The following DDX31 variants were observed in gnomAD, a reference collection of about 807,000 sequenced individuals.
DDX31 encodes the protein ATP-dependent DNA helicase DDX31.
In DDX31, 70 loss-of-function variants were observed where a neutral mutation model predicts 91.3. The ratio of observed to expected loss-of-function variants is 0.77; its 90% CI spans 0.63 to 0.94. The LOEUF (loss-of-function observed/expected upper bound fraction) is 0.94. Among genes scored for constraint, DDX31 ranks in the 40% least tolerant of loss-of-function variants. The probability of loss-of-function intolerance (pLI) is 0.00; values close to 1 mark genes in which losing one functional copy is unlikely to be tolerated. For missense variants in DDX31, 902 were observed against 925.0 expected (o/e 0.98, Z 0.32); for synonymous variants, 362 against 350.6 (o/e 1.03, Z -0.36).
At chr9:132,604,930 G>C (rs570693488) in intron 19 of DDX31, among the ~76,000 whole-genome samples, 1 of 152,140 alleles carries the variant, frequency 6.6e-6, no homozygotes, top group Non-Finnish European at 1.5e-5. Flanking sequence ...CTTCACCAGG[G>C]AACAGAACCA....
chr9:132,618,288 G>A, intron 18 of DDX31, 42 bp downstream of exon 18: 1 of 1,553,210 alleles, frequency 6.4e-7, no homozygotes, highest in Non-Finnish European at 8.8e-7. Flanking sequence ...AGAGCACTCT[G>A]CTGGGCTATC....
At chr9:132,633,955 T>C (rs1313014957) in intron 14 of DDX31, among the ~76,000 whole-genome samples, 1 of 152,216 alleles carries the variant, frequency 6.6e-6, no homozygotes, top group Admixed American at 6.5e-5. Flanking sequence ...GAGGAACATG[T>C]TGAACACCGT....
intron 6 of DDX31, among the ~76,000 whole-genome samples, chr9:132,654,531 T>C (rs1327910850): frequency 6.6e-6 from 1 of 152,188 alleles, no homozygotes; most frequent in African/African-American, 2.4e-5. Flanking sequence ...GAGAATCTCT[T>C]GAACCCAGGA....
At position 132,669,969 on chromosome 9, in the gene DDX31, C is replaced by A; in HGVS notation, c.-35G>T. On this transcript the variant is annotated 5_prime_UTR_variant, in exon 1 of 20. Transcript: ENST00000372159. ...GGGTGACGCGTGGTGCAGCAGCGAG[C>A]CCGGTGCGCAGACTGCTGGGCCCGG... is the stretch of plus-strand genomic sequence containing the variant. 6.3e-7 allele frequency: 1 copy of A among 1,577,788 alleles called. No homozygotes were observed. The highest frequency in any genetic ancestry group is 8.6e-7 in the Non-Finnish European group (1 of 1,162,888).
At chr9:132,643,116 G>A (rs1229361129) in intron 13 of DDX31, among the ~76,000 whole-genome samples, 4 of 152,088 alleles carry the variant, frequency 2.6e-5, no homozygotes, top group Admixed American at 6.6e-5. Context: ...GAGCCACCTC[G>A]CCCTGCTGAT....
In DDX31 at chr9:132,595,136, G is replaced by T. The variant is rs759894770; in HGVS notation, c.1995-24C>A. ...GCCTGAAGAACAGTAACAGCAGAGAGGGAAAAGAAACTTTATTATTTTTCT... is the reference window on the plus strand; with the variant it reads ...GCCTGAAGAACAGTAACAGCAGAGATGGAAAAGAAACTTTATTATTTTTCT... On this transcript the variant is annotated intron_variant, in intron 19 of 19. Transcript: ENST00000372159. This position sits in a 1 kb window ranked among gnomAD's most constrained non-coding sequence, Gnocchi z 4.6. 1.2e-4 allele frequency: 198 copies of T among 1,591,824 alleles called. No individual in the cohort carries two copies. Among genetic ancestry groups the T allele is most frequent in the Admixed American group, 1.6e-4 (9 of 56,010 alleles).
Position 132,661,111 on chromosome 9 carries a change from C to T in DDX31, c.452+97G>A, listed in dbSNP as rs141219528. 1,156 of 1,056,370 alleles carry T rather than the reference C, an allele frequency of 1.1e-3. 12 individuals are homozygous for T. In the African/African-American group the frequency reaches 0.014, roughly 13 times the overall value. 65.4% of individuals were successfully genotyped at this position (1,056,370 alleles called of 1,614,324 possible). On this transcript the variant is annotated intron_variant, in intron 4 of 19. Coordinates refer to ENST00000372159, the MANE Select transcript of DDX31 (RefSeq NM_022779.9). ...TCGATAACCTGGCACTGTGTTCCAA[C>T]GCCAAGACACAAATTTGCTCTGCCT...
chr9:132,600,551 G>A (rs956089202), intron 19 of DDX31, among the ~76,000 whole-genome samples: 6 of 152,300 alleles, frequency 3.9e-5, no homozygotes, highest in African/African-American at 7.2e-5. Flanking sequence ...GAAAAACCGC[G>A]GATGGCCCGG....
intron 18 of DDX31, among the ~76,000 whole-genome samples, chr9:132,617,157 G>C (rs1036169872): frequency 6.6e-6 from 1 of 152,068 alleles, no homozygotes; most frequent in Middle Eastern, 3.4e-3. Context: ...TGCCTTCCTC[G>C]AGCTCGTCTG....
intron 4 of DDX31, among the ~76,000 whole-genome samples, chr9:132,660,289 C>T (rs1346938017): frequency 3.3e-5 from 5 of 150,118 alleles, no homozygotes; most frequent in Non-Finnish European, 5.9e-5. Flanking sequence ...GAGCCAAGAT[C>T]GCACCACTGC....
chr9:132,650,399 C>T, intron 8 of DDX31, 101 bp from the exon 9 acceptor site: 1 of 1,077,106 alleles, frequency 9.3e-7, no homozygotes, highest in East Asian at 2.5e-5. Context: ...TGGGAGAAAA[C>T]TGGTGCTTCT....
In DDX31 at chr9:132,608,565, G is replaced by C. The variant is rs181312690; in HGVS notation, c.1994+3522C>G. 1.2e-3 allele frequency among the ~76,000 whole-genome samples: 180 copies of C among 152,226 alleles called. 2 individuals carry two copies. The highest frequency in any genetic ancestry group is 0.011 in the East Asian group (56 of 5,184). On this transcript the variant is annotated intron_variant, in intron 19 of 19. Transcript: ENST00000372159. ...TGAGCTCCCGCTTGGCATATGACAGGTGAGACAGGCTTCTGTTAGTCTGAT... is the reference window on the plus strand; with the variant it reads ...TGAGCTCCCGCTTGGCATATGACAGCTGAGACAGGCTTCTGTTAGTCTGAT...
intron 16 of DDX31, 106 bp from the exon 17 acceptor site, chr9:132,625,851 G>A: frequency 2.7e-6 from 2 of 736,136 alleles, no homozygotes; most frequent in East Asian, 5.4e-5. Flanking sequence ...ACATGAAGTA[G>A]AAGTGACACC....
intron 7 of DDX31, 114 bp from the exon 8 acceptor site, chr9:132,651,230 GA>G (rs371174018): frequency 3.4e-6 from 3 of 870,946 alleles, no homozygotes; most frequent in East Asian, 2.6e-5. Context: ...GATTTAAGAA[GA>G]AAAAAAATCC....
intron 18 of DDX31, among the ~76,000 whole-genome samples, chr9:132,613,422 G>A (rs370285365): frequency 6.6e-6 from 1 of 152,218 alleles, no homozygotes; most frequent in African/African-American, 2.4e-5. Context: ...GGCCGGGCGC[G>A]GTGGCTCAAG....
intron 17 of DDX31, among the ~76,000 whole-genome samples, chr9:132,619,881 T>TG (rs66738173): frequency 3.7e-3 from 454 of 122,316 alleles, no homozygotes; most frequent in African/African-American, 0.012. Context: ...CTTCCCTGTG[T>TG]TTTTTTTTTT....
intron 18 of DDX31, among the ~76,000 whole-genome samples, chr9:132,616,545 C>T (rs543798439): frequency 7.2e-5 from 11 of 152,298 alleles, no homozygotes; most frequent in Middle Eastern, 6.8e-3. Context: ...TATTTCTTTC[C>T]ACTGCAACTT....
intron 7 of DDX31, among the ~76,000 whole-genome samples, chr9:132,651,550 AGGAG>A (rs1382089133): frequency 6.6e-6 from 1 of 152,222 alleles, no homozygotes; most frequent in East Asian, 1.9e-4. Flanking sequence ...TTCGCTCTCA[AGGAG>A]CGATGACTGT....
chr9:132,597,909 C>T (rs552428896), intron 19 of DDX31, among the ~76,000 whole-genome samples: 42 of 152,284 alleles, frequency 2.8e-4, no homozygotes, highest in South Asian at 2.1e-4. Context: ...TGGAAGAGGA[C>T]GCCGTTCGAA....
Sources: gnomAD v4.1 joint callset for allele counts (sites outside exome capture counted in the v4.1 genomes callset) on GRCh38, gnomAD v4.1.1 for gene constraint, Gnocchi (gnomAD v3.1) non-coding constraint, MANE v1.5 for transcripts, NCBI Gene and HGNC (gene_info 2026-07-23, HGNC 2026-07-21) for gene names.